The following SLC14A2 variants were observed in gnomAD, a reference collection of about 807,000 sequenced individuals.
The protein encoded by SLC14A2 is solute carrier family 14 member 2, also known as urea transporter 2.
In SLC14A2, 91 loss-of-function variants were observed where a neutral mutation model predicts 104.6. That is an observed-to-expected ratio of 0.87 (90% CI 0.73 to 1.04). The LOEUF is 1.04. Among genes scored for constraint, SLC14A2 ranks in the 50% least tolerant of loss-of-function variants. SLC14A2 has a pLI of 0.00. For missense variants in SLC14A2, 1,189 were observed against 1,156.0 expected, an observed-to-expected ratio of 1.03 and a Z score of -0.41; for synonymous variants, 476 against 466.4, an observed-to-expected ratio of 1.02 and a Z score of -0.27.
At chr18:45,255,412 G>A (rs1168904016) in intron 1 of SLC14A2, among the ~76,000 whole-genome samples, 1 of 152,216 alleles carries the variant, frequency 6.6e-6, no homozygotes, top group Non-Finnish European at 1.5e-5. Context: ...CAAAAAGGGA[G>A]AGCGCATTTG....
chr18:45,649,869 C>G (rs531015798), intron 10 of SLC14A2, among the ~76,000 whole-genome samples: 3 of 152,244 alleles, frequency 2.0e-5, no homozygotes, highest in Non-Finnish European at 4.4e-5. Context: ...TTCTAGATGA[C>G]AGTTAGTTGT....
At chr18:45,490,527 A>G (rs950477774) in intron 2 of SLC14A2, among the ~76,000 whole-genome samples, 1 of 152,238 alleles carries the variant, frequency 6.6e-6, no homozygotes, top group African/African-American at 2.4e-5. Flanking sequence ...ATATTCAGGA[A>G]GATAGTTTAA....
At chr18:45,284,602 G>T (rs562009016) in intron 1 of SLC14A2, among the ~76,000 whole-genome samples, 1 of 152,072 alleles carries the variant, frequency 6.6e-6, no homozygotes, top group Non-Finnish European at 1.5e-5. Flanking sequence ...TGTTTTCATT[G>T]CAGTCTCACT....
At chr18:45,595,874 C>T (rs1599044313) in intron 2 of SLC14A2, among the ~76,000 whole-genome samples, 1 of 152,200 alleles carries the variant, frequency 6.6e-6, no homozygotes, top group Non-Finnish European at 1.5e-5. Flanking sequence ...GAACATCAGA[C>T]TCAGCTGGCT....
At chr18:45,186,276 G>A in the SLC14A2 span, among the ~76,000 whole-genome samples, 1 of 152,162 alleles carries the variant, frequency 6.6e-6, no homozygotes, top group East Asian at 1.9e-4. Flanking sequence ...TAGACATCAG[G>A]TCAATAAGAC....
At chr18:45,398,690 C>A (rs959668444) in intron 1 of SLC14A2, among the ~76,000 whole-genome samples, 1 of 152,098 alleles carries the variant, frequency 6.6e-6, no homozygotes. Flanking sequence ...GTGAAATAAG[C>A]CAGTCAACCC....
intron 1 of SLC14A2, among the ~76,000 whole-genome samples, chr18:45,220,083 G>C (rs1042319819): frequency 6.9e-6 from 1 of 145,356 alleles, no homozygotes; most frequent in African/African-American, 2.6e-5. Context: ...TCTGGTAAAT[G>C]AATGAGTGTC....
At chr18:45,478,874 T>TTAAGTG (rs2087438978) in intron 1 of SLC14A2, among the ~76,000 whole-genome samples, 1 of 152,216 alleles carries the variant, frequency 6.6e-6, no homozygotes, top group South Asian at 2.1e-4. Context: ...AATAGAATTT[T>TTAAGTG]TAAGTGTTTT....
intron 1 of SLC14A2, among the ~76,000 whole-genome samples, chr18:45,401,435 G>A (rs547959677): frequency 6.6e-6 from 1 of 152,242 alleles, no homozygotes; most frequent in Non-Finnish European, 1.5e-5. Context: ...AAAAGCAAAG[G>A]GGGAGTATGC....
At chr18:45,613,719 T>C (rs946603093), upstream of SLC14A2, among the ~76,000 whole-genome samples, 45 of 152,210 alleles carry the variant, frequency 3.0e-4, no homozygotes, top group African/African-American at 9.6e-4. Flanking sequence ...ATTTAGGATA[T>C]CTGGCAGAAG....
intron 1 of SLC14A2, among the ~76,000 whole-genome samples, chr18:45,420,285 T>C (rs190461658): frequency 6.6e-6 from 1 of 152,194 alleles, no homozygotes; most frequent in Non-Finnish European, 1.5e-5. Flanking sequence ...TTCAAGATAC[T>C]AAGCAAGACG....
chr18:45,378,684 A>T (rs1213176118), intron 1 of SLC14A2, among the ~76,000 whole-genome samples: 4 of 152,216 alleles, frequency 2.6e-5, no homozygotes, highest in Admixed American at 1.3e-4. Context: ...AGAGGAGGGG[A>T]CATGTCTGTT....
intron 1 of SLC14A2, among the ~76,000 whole-genome samples, chr18:45,403,096 G>T (rs1598761627): frequency 6.6e-6 from 1 of 152,150 alleles, no homozygotes; most frequent in Non-Finnish European, 1.5e-5. Flanking sequence ...CAAGATTAAG[G>T]TCCCAACAGG....
At chr18:45,351,096 T>G (rs887345728) in intron 1 of SLC14A2, among the ~76,000 whole-genome samples, 1 of 152,184 alleles carries the variant, frequency 6.6e-6, no homozygotes, top group African/African-American at 2.4e-5. Context: ...CTTTGTCTTC[T>G]CAGTTCCTGT....
chr18:45,569,795 G>C (rs2044320993), intron 2 of SLC14A2, among the ~76,000 whole-genome samples: 1 of 152,140 alleles, frequency 6.6e-6, no homozygotes, highest in South Asian at 2.1e-4. Flanking sequence ...CCTGGGAAGG[G>C]AGCCAGGAGT....
At chr18:45,678,766 T>C (rs887742053) in intron 18 of SLC14A2, among the ~76,000 whole-genome samples, 5 of 152,212 alleles carry the variant, frequency 3.3e-5, no homozygotes, top group Non-Finnish European at 7.3e-5. Context: ...TTTTAACAAG[T>C]TCATCTGCTG....
chr18:45,338,939 CTTT>C (rs200884936), intron 1 of SLC14A2, among the ~76,000 whole-genome samples: 1 of 145,850 alleles, frequency 6.9e-6, no homozygotes, highest in Non-Finnish European at 1.5e-5. Context: ...ATTCTTATAC[CTTT>C]TTTTTTTTTC....
At chr18:45,576,269 G>A (rs2044417167) in intron 2 of SLC14A2, among the ~76,000 whole-genome samples, 2 of 130,260 alleles carry the variant, frequency 1.5e-5, no homozygotes, top group African/African-American at 2.8e-5. Context: ...GCTGGAGCAG[G>A]GGCTTTTTTT....
At chr18:45,194,845 C>G in the SLC14A2 span, among the ~76,000 whole-genome samples, 1 of 151,830 alleles carries the variant, frequency 6.6e-6, no homozygotes, top group Non-Finnish European at 1.5e-5. Context: ...GGGGTTTCAC[C>G]GTGTTAGCCA....
Sources: allele counts gnomAD v4.1 joint callset (sites outside exome capture counted in the v4.1 genomes callset), GRCh38; gene constraint gnomAD v4.1.1; transcripts MANE v1.5; gene names NCBI Gene and HGNC (gene_info 2026-07-23, HGNC 2026-07-21).